Variants in ZMYM2 observed in about 807,000 individuals in gnomAD.
The protein encoded by ZMYM2 is zinc finger MYM-type protein 2.
A neutral mutation model predicts 162.8 loss-of-function variants in ZMYM2; 56 were observed. The observed-to-expected ratio is 0.34, with a 90% CI of 0.28 to 0.43. ZMYM2 has a LOEUF of 0.43. Among genes scored for constraint, ZMYM2 ranks in the 20% least tolerant of loss-of-function variants. ZMYM2 has a pLI of 1.00. For missense variants in ZMYM2, 1,275 were observed against 1,621.8 expected, an observed-to-expected ratio of 0.79 and a Z score of 3.67; for synonymous variants, 510 against 541.6, an observed-to-expected ratio of 0.94 and a Z score of 0.81.
rs1349474994 is a variant in ZMYM2 at position 20,026,781 on chromosome 13, G to T, written c.1735+19G>T. ...TCACAAAGTAAGTTTCACATATTTG[G>T]ACAGTTAAAAAAACTTTACAACGTA... On this transcript the variant is annotated intron_variant, in intron 8 of 24. Coordinates refer to ENST00000610343, the MANE Select transcript of ZMYM2 (RefSeq NM_197968.4). 2 of 1,570,798 alleles carry T rather than the reference G, an allele frequency of 1.3e-6. No homozygotes were observed. The highest frequency in any genetic ancestry group is 8.6e-7 in the Non-Finnish European group (1 of 1,169,046).
the ZMYM2 span, among the ~76,000 whole-genome samples, chr13:19,883,908 C>T: frequency 6.6e-6 from 1 of 152,194 alleles, no homozygotes; most frequent in Admixed American, 6.5e-5. Context: ...AAGGGCCCAC[C>T]CCCACATCTG....
chr13:20,057,714 G>GTA (rs1016870777), intron 14 of ZMYM2, among the ~76,000 whole-genome samples: 12 of 152,308 alleles, frequency 7.9e-5, no homozygotes, highest in African/African-American at 2.9e-4. Flanking sequence ...ACTGTATGAA[G>GTA]TATCGTTAAC....
the ZMYM2 span, among the ~76,000 whole-genome samples, chr13:19,946,427 A>G: frequency 6.6e-6 from 1 of 152,352 alleles, no homozygotes; most frequent in East Asian, 1.9e-4. Flanking sequence ...CCTGCTGTTC[A>G]GAGCATTACT....
At chr13:20,074,237 T>TGTGTGAGA (rs1491090474) in intron 21 of ZMYM2, among the ~76,000 whole-genome samples, 143 of 127,558 alleles carry the variant, frequency 1.1e-3, no homozygotes, top group African/African-American at 3.5e-3. Flanking sequence ...TGTGTGTGTG[T>TGTGTGAGA]GAGAGAGACA....
upstream of ZMYM2, among the ~76,000 whole-genome samples, chr13:19,956,881 T>C (rs1175321335): frequency 2.0e-5 from 3 of 152,206 alleles, no homozygotes; most frequent in Non-Finnish European, 2.9e-5. Context: ...TAGTAGAGGA[T>C]GTTTGTTTTG....
chr13:19,881,061 G>T, the ZMYM2 span, among the ~76,000 whole-genome samples: 1 of 151,208 alleles, frequency 6.6e-6, no homozygotes, highest in Non-Finnish European at 1.5e-5. Flanking sequence ...GCTAATTTTT[G>T]TATTTTTAGT....
At chr13:19,879,472 G>A in the ZMYM2 span, among the ~76,000 whole-genome samples, 2 of 152,084 alleles carry the variant, frequency 1.3e-5, no homozygotes, top group Non-Finnish European at 2.9e-5. Flanking sequence ...AGCCACAAAC[G>A]TTTACTTGTG....
At position 20,058,754 on chromosome 13, in the gene ZMYM2, C is replaced by G. The variant is rs549250344; in HGVS notation, c.2623+50C>G. On this transcript the variant is annotated intron_variant, in intron 15 of 24. Coordinates refer to ENST00000610343, the MANE Select transcript of ZMYM2 (RefSeq NM_197968.4). ...ATACTTCCCCATACCTTCATCTCAC[C>G]TAATGAAATACATGCTTTTCTTGAA... 1.6e-4 allele frequency: 258 copies of G among 1,597,632 alleles called. 5 individuals carry two copies. In the South Asian group the frequency reaches 2.8e-3, roughly 17 times the overall value.
rs377497664 is a variant in ZMYM2, at chr13:19,997,369, T to A, written c.847+3450T>A. ...AGTGAAGTTACTGGGCTAAATATTA[T>A]GATTACTCCCATGCCCCTAACGATT... On this transcript the variant is annotated intron_variant, in intron 3 of 24. Transcript: ENST00000610343. 3.9e-5 allele frequency among the ~76,000 whole-genome samples: 6 copies of A among 152,338 alleles called. No individual in the cohort carries two copies. The South Asian group carries it at 8.3e-4, about 21-fold the overall frequency.
the ZMYM2 span, among the ~76,000 whole-genome samples, chr13:19,906,301 T>TATATATATAC: frequency 2.4e-4 from 29 of 120,230 alleles, 1 homozygote; most frequent in Middle Eastern, 4.6e-3. Flanking sequence ...TATATATATA[T>TATATATATAC]ATATATATAT....
At chr13:20,058,418 A>T (rs1254719580) in intron 14 of ZMYM2, among the ~76,000 whole-genome samples, 157 bp from the exon 15 acceptor site, 1 of 152,198 alleles carries the variant, frequency 6.6e-6, no homozygotes, top group Non-Finnish European at 1.5e-5. Context: ...ATCCTTATAG[A>T]TTAAGAGTAT....
the ZMYM2 span, among the ~76,000 whole-genome samples, chr13:19,884,035 G>C: frequency 2.0e-5 from 3 of 152,190 alleles, no homozygotes; most frequent in Admixed American, 1.3e-4. Flanking sequence ...TGGGATCACA[G>C]GCATGAGCCC....
At chr13:19,921,747 T>G in the ZMYM2 span, among the ~76,000 whole-genome samples, 1 of 152,158 alleles carries the variant, frequency 6.6e-6, no homozygotes, top group Non-Finnish European at 1.5e-5. Flanking sequence ...TGACCAAATT[T>G]TGTATGTGGT....
At chr13:19,883,763 TA>T in the ZMYM2 span, among the ~76,000 whole-genome samples, 2 of 152,172 alleles carry the variant, frequency 1.3e-5, no homozygotes, top group African/African-American at 2.4e-5. Flanking sequence ...TATATATATA[TA>T]TTTTTTTGAG....
the ZMYM2 span, among the ~76,000 whole-genome samples, chr13:19,932,361 C>A: frequency 6.6e-6 from 1 of 151,954 alleles, no homozygotes; most frequent in Non-Finnish European, 1.5e-5. Flanking sequence ...AGAATAGACA[C>A]CAGAGGCCGG....
At chr13:19,892,876 A>G in the ZMYM2 span, among the ~76,000 whole-genome samples, 1 of 151,260 alleles carries the variant, frequency 6.6e-6, no homozygotes, top group African/African-American at 2.4e-5. Context: ...CACCGCGCCC[A>G]GCTAATTTTT....
At chr13:19,981,497 A>C (rs967382924) in intron 2 of ZMYM2, among the ~76,000 whole-genome samples, 2 of 152,134 alleles carry the variant, frequency 1.3e-5, no homozygotes, top group African/African-American at 2.4e-5. Flanking sequence ...GTTTTGGGCT[A>C]ATCTTACACA....
At chr13:19,982,582 G>A (rs1957445153) in intron 2 of ZMYM2, among the ~76,000 whole-genome samples, 1 of 152,070 alleles carries the variant, frequency 6.6e-6, no homozygotes, top group Non-Finnish European at 1.5e-5. Context: ...CATCCCCTTT[G>A]GAGAAGAGAT....
intron 12 of ZMYM2, among the ~76,000 whole-genome samples, chr13:20,038,451 G>A (rs111423627): frequency 9.2e-5 from 14 of 152,224 alleles, no homozygotes; most frequent in African/African-American, 3.4e-4. Context: ...TTTTGTATAT[G>A]GTGTAAGGAA....
Sources: gnomAD v4.1 joint callset for allele counts (sites outside exome capture counted in the v4.1 genomes callset) on GRCh38, gnomAD v4.1.1 for gene constraint, MANE v1.5 for transcripts, NCBI Gene and HGNC (gene_info 2026-07-23, HGNC 2026-07-21) for gene names.